ZFYVE28: variants seen among roughly 807,000 people sequenced by gnomAD.
ZFYVE28 encodes zinc finger FYVE-type containing 28.
A neutral mutation model predicts 82.1 loss-of-function variants in ZFYVE28; 40 were observed. The ratio of observed to expected loss-of-function variants is 0.49; its 90% CI spans 0.38 to 0.63. ZFYVE28 has a LOEUF of 0.63. ZFYVE28 is among the 30% of genes least tolerant of loss of function. The pLI is 0.00. For synonymous variants in ZFYVE28, 612 were observed against 546.1 expected (o/e 1.12, Z -1.68); for missense variants, 1,321 against 1,242.1 (o/e 1.06, Z -0.96).
At chr4:2,328,832 C>A (rs1483754075) in intron 6 of ZFYVE28, 14 of 232,938 alleles carry the variant, frequency 6.0e-5, no homozygotes, top group Non-Finnish European at 7.8e-5. Flanking sequence ...CAACTTTGTT[C>A]TTTTGCATGT....
intron 1 of ZFYVE28, among the ~76,000 whole-genome samples, chr4:2,399,115 A>G (rs1221573941): frequency 0.37 from 11,048 of 30,186 alleles, 1,887 homozygotes; most frequent in African/African-American, 0.56. Flanking sequence ...CTGGGGCAAG[A>G]TGGAGGGCAC....
chr4:2,411,075 C>T (rs1041561817), intron 1 of ZFYVE28, among the ~76,000 whole-genome samples: 1 of 152,178 alleles, frequency 6.6e-6, no homozygotes, highest in Non-Finnish European at 1.5e-5. Context: ...GGTGTGCTAG[C>T]CCAGTCTCCC....
chr4:2,418,430 C>T lies in ZFYVE28; in HGVS notation c.-107G>A, dbSNP rs1008456676. 2 of 925,904 alleles carry T rather than the reference C, an allele frequency of 2.2e-6. No homozygotes were observed. Among genetic ancestry groups the T allele is most frequent in the Non-Finnish European group, 1.3e-6 (1 of 753,940 alleles). 57.4% of individuals were successfully genotyped at this position (925,904 alleles called of 1,614,324 possible). The stretch of plus-strand genomic sequence containing the variant: ...GACGCGGAGGCACGGCCGGAGCCCC[C>T]GCGCTGTCGCAGGGAGGCTGGCTAG... On this transcript the variant is annotated 5_prime_UTR_variant, in exon 1 of 13. Transcript: ENST00000290974. This position sits in a 1 kb window ranked among gnomAD's most constrained non-coding sequence, Gnocchi z 4.6.
At chr4:2,334,673 C>G (rs1316845228) in intron 6 of ZFYVE28, among the ~76,000 whole-genome samples, 1 of 150,962 alleles carries the variant, frequency 6.6e-6, no homozygotes. Flanking sequence ...ACGGGCATCT[C>G]TCTCAAGGGC....
At chr4:2,395,824 G>A (rs192702136) in intron 1 of ZFYVE28, among the ~76,000 whole-genome samples, 9 of 151,744 alleles carry the variant, frequency 5.9e-5, no homozygotes, top group African/African-American at 1.2e-4. Context: ...CACAGGAGGC[G>A]GCGGGACTCC....
At chr4:2,282,349 C>T (rs1712076062) in intron 8 of ZFYVE28, among the ~76,000 whole-genome samples, 1 of 152,204 alleles carries the variant, frequency 6.6e-6, no homozygotes, top group Non-Finnish European at 1.5e-5. Flanking sequence ...GGCTGCCCAG[C>T]CTGTGTCTTC....
chr4:2,405,576 G>A (rs1731795775), intron 1 of ZFYVE28, among the ~76,000 whole-genome samples: 2 of 152,234 alleles, frequency 1.3e-5, no homozygotes, highest in South Asian at 4.1e-4. Context: ...GAGATCTGCA[G>A]GCCAGGAAGC....
chr4:2,363,405 G>A (rs1437255705), intron 1 of ZFYVE28, among the ~76,000 whole-genome samples: 1 of 152,148 alleles, frequency 6.6e-6, no homozygotes, highest in African/African-American at 2.4e-5. Context: ...CTTGAGTTAG[G>A]GAGGAACCGC....
chr4:2,290,795 C>A (rs1383795865), intron 8 of ZFYVE28, among the ~76,000 whole-genome samples: 1 of 152,144 alleles, frequency 6.6e-6, no homozygotes, highest in African/African-American at 2.4e-5. Flanking sequence ...ACAAGCCGAG[C>A]AGTGGTGGGG....
chr4:2,340,892 C>T (rs1722684522), intron 3 of ZFYVE28, among the ~76,000 whole-genome samples: 1 of 152,002 alleles, frequency 6.6e-6, no homozygotes, highest in Non-Finnish European at 1.5e-5. Context: ...ATGGGGACGG[C>T]ACAATAGAGA....
intron 1 of ZFYVE28, among the ~76,000 whole-genome samples, chr4:2,381,723 A>G (rs1293385928): frequency 6.6e-6 from 1 of 152,240 alleles, no homozygotes; most frequent in Non-Finnish European, 1.5e-5. Context: ...ATGTGATAGA[A>G]GAGAAAAACC....
chr4:2,320,387 G>T lies in ZFYVE28; in HGVS notation c.702-116C>A. 1 of 779,814 alleles carries T rather than the reference G, an allele frequency of 1.3e-6. No homozygotes were observed. The highest frequency in any genetic ancestry group is 2.1e-6 in the Non-Finnish European group (1 of 481,880). The allele number at this position is 779,814 out of a possible 1,614,324, so 48.3% of individuals were successfully genotyped here. ...CCCGCTGGGACTCTGCAGCGCCACTGTCCCAGCACGGCCGCCGCCTCATGC... is the reference window on the plus strand; with the variant it reads ...CCCGCTGGGACTCTGCAGCGCCACTTTCCCAGCACGGCCGCCGCCTCATGC... On this transcript the variant is annotated intron_variant, in intron 6 of 12. Transcript: ENST00000290974. This position sits in a 1 kb window ranked among gnomAD's most constrained non-coding sequence, Gnocchi z 5.1.
At chr4:2,293,612 G>C (rs901415168) in intron 8 of ZFYVE28, among the ~76,000 whole-genome samples, 9 of 151,886 alleles carry the variant, frequency 5.9e-5, no homozygotes, top group Non-Finnish European at 1.3e-4. Context: ...AATTAGCTGG[G>C]CGTAGTGGCA....
intron 4 of ZFYVE28, among the ~76,000 whole-genome samples, chr4:2,338,470 G>A (rs1722212282): frequency 6.6e-6 from 1 of 152,162 alleles, no homozygotes; most frequent in Non-Finnish European, 1.5e-5. Context: ...GTGGTCACCT[G>A]TAATCCCAGC....
At chr4:2,405,177 C>T (rs1731731077) in intron 1 of ZFYVE28, among the ~76,000 whole-genome samples, 2 of 152,216 alleles carry the variant, frequency 1.3e-5, no homozygotes, top group African/African-American at 4.8e-5. Context: ...GAGAGTGGCC[C>T]GGACAAAGCG....
At chr4:2,297,424 C>G (rs550442443) in intron 8 of ZFYVE28, among the ~76,000 whole-genome samples, 1 of 152,190 alleles carries the variant, frequency 6.6e-6, no homozygotes, top group Non-Finnish European at 1.5e-5. Context: ...CCAGGCCACA[C>G]GGAGGAGTCG....
chr4:2,303,147 A>C (rs910938503), intron 8 of ZFYVE28, among the ~76,000 whole-genome samples: 3 of 152,032 alleles, frequency 2.0e-5, no homozygotes, highest in Non-Finnish European at 4.4e-5. Context: ...CACAGGAAAG[A>C]GCTGCAGGGA....
intron 1 of ZFYVE28, among the ~76,000 whole-genome samples, chr4:2,366,456 G>C (rs1171742499): frequency 6.6e-6 from 1 of 152,182 alleles, no homozygotes; most frequent in East Asian, 1.9e-4. Flanking sequence ...CCCTGCACCT[G>C]CTGTCTCACC....
At chr4:2,298,478 C>A (rs545160933) in intron 8 of ZFYVE28, among the ~76,000 whole-genome samples, 1 of 152,324 alleles carries the variant, frequency 6.6e-6, no homozygotes, top group South Asian at 2.1e-4. Context: ...AAAGGGATAT[C>A]CCTCAGTGTC....
Sources: allele counts gnomAD v4.1 joint callset (sites outside exome capture counted in the v4.1 genomes callset), GRCh38; gene constraint gnomAD v4.1.1; non-coding constraint Gnocchi (gnomAD v3.1); transcripts MANE v1.5; gene names NCBI Gene and HGNC (gene_info 2026-07-23, HGNC 2026-07-21).